The following IQCM variants were observed in gnomAD, a reference collection of about 807,000 sequenced individuals.
IQCM encodes IQ motif containing M, also known as IQ domain-containing protein M.
Under a neutral mutation model 57.6 loss-of-function variants are expected in IQCM, and 45 were observed. That is an observed-to-expected ratio of 0.78 (90% confidence interval 0.62 to 1.00). IQCM has a LOEUF of 1.00. Among genes scored for constraint, IQCM ranks in the 50% least tolerant of loss-of-function variants. IQCM has a pLI of 0.00. For missense variants in IQCM, 468 were observed against 511.6 expected (o/e 0.91, Z 0.82); for synonymous variants, 148 against 158.9 (o/e 0.93, Z 0.51).
At chr4:149,391,925 C>T (rs1731883974) in intron 13 of IQCM, among the ~76,000 whole-genome samples, 1 of 151,868 alleles carries the variant, frequency 6.6e-6, no homozygotes, top group African/African-American at 2.4e-5. Context: ...GTTCCATATG[C>T]ACTTGAGAAG....
intron 6 of IQCM, among the ~76,000 whole-genome samples, chr4:149,684,670 G>A (rs534196509): frequency 2.0e-5 from 3 of 151,238 alleles, no homozygotes; most frequent in South Asian, 2.1e-4. Flanking sequence ...TGGTGAACTC[G>A]ATTTCAAAAA....
intron 2 of IQCM, among the ~76,000 whole-genome samples, chr4:149,795,017 T>C (rs1043710704): frequency 1.3e-5 from 2 of 152,146 alleles, no homozygotes; most frequent in African/African-American, 4.8e-5. Flanking sequence ...GATACAATGG[T>C]TGAAAATATG....
rs1197852884 is a variant in IQCM at position 149,481,696 on chromosome 4, G to GTT, written c.1229-48141_1229-48140dup. ...GAAGTCATGTAATGTGATTCTTCCA[G>GTT]TTTTGTTTTTTTTTTTTTTTTTTTT... On this transcript the variant is annotated intron_variant, in intron 12 of 13. Transcript: ENST00000636793. 8.5e-3 allele frequency among the ~76,000 whole-genome samples: 286 copies of GTT among 33,542 alleles called. 17 individuals are homozygous for GTT. Among genetic ancestry groups the GTT allele is most frequent in the East Asian group, 0.015 (17 of 1,100 alleles). 22.0% of individuals were successfully genotyped at this position (33,542 alleles called of 152,430 possible).
chr4:149,496,328 C>T (rs1006093484), intron 12 of IQCM, among the ~76,000 whole-genome samples: 4 of 152,112 alleles, frequency 2.6e-5, no homozygotes, highest in African/African-American at 7.2e-5. Flanking sequence ...ATCCACATCT[C>T]AATCCTGAAA....
intron 5 of IQCM, among the ~76,000 whole-genome samples, chr4:149,724,523 T>C (rs1765720480): frequency 1.3e-5 from 2 of 151,698 alleles, no homozygotes; most frequent in African/African-American, 2.4e-5. Context: ...ATGTAGAGAC[T>C]CTCCCACACC....
At chr4:149,622,337 G>T (rs888927016) in intron 7 of IQCM, among the ~76,000 whole-genome samples, 4 of 143,280 alleles carry the variant, frequency 2.8e-5, no homozygotes, top group Non-Finnish European at 4.5e-5. Flanking sequence ...TGAATCAGTG[G>T]AATTCTTTTT....
At position 149,722,316 on chromosome 4, in the gene IQCM, A is replaced by AT. The variant is rs569160317; in HGVS notation, c.385+10927dup. 8.1e-4 allele frequency among the ~76,000 whole-genome samples: 123 copies of AT among 151,916 alleles called. 1 individual carries two copies. The highest frequency in any genetic ancestry group is 2.8e-3 in the African/African-American group (118 of 41,450). ...TAGTTTAATTGGGTCCCATTAATTTATTTTTGTTTTTGTTGAGTTTTCTTT... is the reference window on the plus strand; with the variant it reads ...TAGTTTAATTGGGTCCCATTAATTTATTTTTTGTTTTTGTTGAGTTTTCTTT... On this transcript the variant is annotated intron_variant, in intron 5 of 13. Transcript: ENST00000636793.
At chr4:149,396,881 T>A (rs987405586) in intron 13 of IQCM, among the ~76,000 whole-genome samples, 1 of 152,046 alleles carries the variant, frequency 6.6e-6, no homozygotes, top group African/African-American at 2.4e-5. Context: ...TTGTCACATA[T>A]TGTAGAATTT....
intron 9 of IQCM, among the ~76,000 whole-genome samples, chr4:149,581,700 T>C (rs1752199316): frequency 6.6e-6 from 1 of 151,778 alleles, no homozygotes; most frequent in South Asian, 2.1e-4. Flanking sequence ...TACACTGTGC[T>C]ACTAAAATTT....
At chr4:149,607,404 A>C (rs1754886015) in intron 8 of IQCM, among the ~76,000 whole-genome samples, 1 of 152,228 alleles carries the variant, frequency 6.6e-6, no homozygotes, top group Non-Finnish European at 1.5e-5. Flanking sequence ...AGTTTGTTCA[A>C]CCTGAGAAAA....
intron 5 of IQCM, among the ~76,000 whole-genome samples, chr4:149,732,292 G>C (rs112033606): frequency 2.0e-5 from 3 of 152,168 alleles, no homozygotes; most frequent in African/African-American, 7.2e-5. Flanking sequence ...ATCCTTCAGA[G>C]CTTTAATACA....
chr4:149,391,323 T>C lies in IQCM; in HGVS notation c.1391-39257A>G, dbSNP rs145679260. Among the ~76,000 whole-genome samples, 304 of 152,068 alleles carry C rather than the reference T, an allele frequency of 2.0e-3. 3 individuals carry two copies. Among genetic ancestry groups the C allele is most frequent in the Non-Finnish European group, 1.4e-3 (95 of 67,908 alleles). On this transcript the variant is annotated intron_variant, in intron 13 of 13. Coordinates refer to ENST00000636793, the MANE Select transcript of IQCM (RefSeq NM_001363507.2). ...TATTCTTTTATTATTCTTGCATCTA[T>C]AAGGTCAATAACAATAGCCCCCCTT... is the stretch of plus-strand genomic sequence containing the variant.
At chr4:149,640,774 G>A (rs923902543) in intron 7 of IQCM, among the ~76,000 whole-genome samples, 5 of 152,004 alleles carry the variant, frequency 3.3e-5, no homozygotes, top group Non-Finnish European at 7.4e-5. Context: ...TAATGGAGTC[G>A]AGAATATATT....
intron 12 of IQCM, among the ~76,000 whole-genome samples, chr4:149,466,199 CT>C (rs1377441501): frequency 6.6e-6 from 1 of 152,160 alleles, no homozygotes; most frequent in African/African-American, 2.4e-5. Flanking sequence ...TTATTTGTTT[CT>C]TTGTCCAGCC....
chr4:149,497,268 T>C (rs1382904553), intron 12 of IQCM, among the ~76,000 whole-genome samples: 3 of 152,048 alleles, frequency 2.0e-5, no homozygotes, highest in Admixed American at 6.6e-5. Context: ...GGACAAATAA[T>C]AGAAAAGCCC....
intron 6 of IQCM, among the ~76,000 whole-genome samples, chr4:149,684,976 A>C (rs191821964): frequency 6.6e-6 from 1 of 151,518 alleles, no homozygotes; most frequent in East Asian, 1.9e-4. Flanking sequence ...TTCCTCATTA[A>C]GCAGGATATG....
intron 13 of IQCM, among the ~76,000 whole-genome samples, chr4:149,354,363 CAAAAA>C (rs70965178): frequency 0.044 from 894 of 20,124 alleles, 4 homozygotes; most frequent in Non-Finnish European, 0.06. Context: ...GACTCCGTCT[CAAAAA>C]AAAAAAAAAA....
chr4:149,670,979 A>T (rs1327164562), intron 7 of IQCM, among the ~76,000 whole-genome samples: 9 of 147,562 alleles, frequency 6.1e-5, no homozygotes, highest in Non-Finnish European at 3.0e-5. Context: ...AGGCTTTGGT[A>T]TCAGGATGAT....
At chr4:149,541,210 G>A (rs963660268) in intron 12 of IQCM, among the ~76,000 whole-genome samples, 1 of 152,106 alleles carries the variant, frequency 6.6e-6, no homozygotes, top group African/African-American at 2.4e-5. Flanking sequence ...CTGAGGAACA[G>A]GAGGCTCAGG....
Sources: allele counts gnomAD v4.1 joint callset (sites outside exome capture counted in the v4.1 genomes callset), GRCh38; gene constraint gnomAD v4.1.1; transcripts MANE v1.5; gene names NCBI Gene and HGNC (gene_info 2026-07-23, HGNC 2026-07-21).